SHANK2: variants seen among roughly 807,000 people sequenced by gnomAD.
The protein encoded by SHANK2 is SH3 and multiple ankyrin repeat domains 2.
Under a neutral mutation model 133.7 loss-of-function variants are expected in SHANK2, and 43 were observed. The observed-to-expected ratio is 0.32, with a 90% CI of 0.25 to 0.41. The LOEUF is 0.41. Ranked by LOEUF, SHANK2 falls within the 10% of genes least tolerant of loss-of-function variation. The probability of loss-of-function intolerance (pLI) is 1.00; values close to 1 mark genes in which losing one functional copy is unlikely to be tolerated. For synonymous variants in SHANK2, 1,017 were observed against 952.8 expected (o/e 1.07, Z -1.24); for missense variants, 1,994 against 2,235.8 (o/e 0.89, Z 2.18).
chr11:70,528,668 G>A (rs1169302479), intron 17 of SHANK2, among the ~76,000 whole-genome samples: 1 of 152,050 alleles, frequency 6.6e-6, no homozygotes, highest in Non-Finnish European at 1.5e-5. Flanking sequence ...TCTCCTGGGC[G>A]ATTCTTTACT....
intron 2 of SHANK2, among the ~76,000 whole-genome samples, chr11:71,221,808 G>A (rs1415765843): frequency 6.6e-6 from 1 of 152,172 alleles, no homozygotes; most frequent in Non-Finnish European, 1.5e-5. Context: ...GATGTCTGCA[G>A]GTGCCTAGGC....
chr11:71,171,204 G>A (rs1295479105), intron 2 of SHANK2, among the ~76,000 whole-genome samples: 2 of 152,198 alleles, frequency 1.3e-5, no homozygotes, highest in Non-Finnish European at 2.9e-5. Context: ...GACACATGCG[G>A]GTGGGCTTGT....
At chr11:70,896,339 A>G in intron 11 of SHANK2, 162 bp downstream of exon 11, 1 of 567,316 alleles carries the variant, frequency 1.8e-6, no homozygotes. Flanking sequence ...AGTTAAAAAA[A>G]GTTAAGACCA....
chr11:70,715,838 G>A (rs1475596205), intron 14 of SHANK2, among the ~76,000 whole-genome samples: 8 of 152,174 alleles, frequency 5.3e-5, no homozygotes, highest in Non-Finnish European at 1.0e-4. Context: ...CCCTGGACCC[G>A]GCAGCCCAGG....
At chr11:71,221,463 C>G (rs1292700473) in intron 2 of SHANK2, among the ~76,000 whole-genome samples, 1 of 152,120 alleles carries the variant, frequency 6.6e-6, no homozygotes, top group Non-Finnish European at 1.5e-5. Flanking sequence ...CCTGTTTCCC[C>G]ACCCAGGAGG....
Position 70,756,088 on chromosome 11 carries a change from C to T in SHANK2, c.1777+42355G>A, listed in dbSNP as rs976095743. The stretch of plus-strand genomic sequence containing the variant: ...GAGCTCGTTTCCTCACTGGCCGCAG[C>T]GGGTTCAGGGTGACAGCTGCAGCCC... On this transcript the variant is annotated intron_variant, in intron 14 of 25. Coordinates refer to ENST00000601538, the MANE Select transcript of SHANK2 (RefSeq NM_012309.5). Among the ~76,000 whole-genome samples, 79 of 152,198 alleles carry T rather than the reference C, an allele frequency of 5.2e-4. 1 individual carries two copies. Among genetic ancestry groups the T allele is most frequent in the Middle Eastern group, 3.4e-3 (1 of 294 alleles).
At chr11:70,633,133 T>C (rs2061022411) in intron 17 of SHANK2, among the ~76,000 whole-genome samples, 1 of 150,906 alleles carries the variant, frequency 6.6e-6, no homozygotes, top group Non-Finnish European at 1.5e-5. Context: ...AAATACGTTA[T>C]ATATATTATG....
At chr11:71,205,938 G>T (rs1223228115) in intron 2 of SHANK2, among the ~76,000 whole-genome samples, 2 of 152,062 alleles carry the variant, frequency 1.3e-5, no homozygotes, top group Non-Finnish European at 2.9e-5. Flanking sequence ...AGGTGAAACG[G>T]GGCTGGGGAC....
chr11:71,109,431 C>T (rs1565456161), intron 6 of SHANK2, among the ~76,000 whole-genome samples: 1 of 152,246 alleles, frequency 6.6e-6, no homozygotes. Context: ...CAAAGACTCA[C>T]ACACTCGTGG....
chr11:70,576,033 GA>G (rs1340205501), intron 17 of SHANK2, among the ~76,000 whole-genome samples: 5 of 152,164 alleles, frequency 3.3e-5, no homozygotes, highest in Admixed American at 1.3e-4. Context: ...CCATTTCCCA[GA>G]GTGGAAATGT....
At chr11:71,077,100 C>T (rs1166594764) in intron 8 of SHANK2, among the ~76,000 whole-genome samples, 5 of 152,092 alleles carry the variant, frequency 3.3e-5, no homozygotes, top group Non-Finnish European at 5.9e-5. Context: ...CTGGAATTTC[C>T]GGGACATAAC....
At chr11:70,507,621 C>G (rs559424781) in intron 17 of SHANK2, among the ~76,000 whole-genome samples, 1 of 152,232 alleles carries the variant, frequency 6.6e-6, no homozygotes, top group South Asian at 2.1e-4. Flanking sequence ...CGTCTGTCAC[C>G]ACTCCGCATT....
intron 11 of SHANK2, among the ~76,000 whole-genome samples, chr11:70,875,386 G>A (rs4980653): frequency 0.12 from 18,469 of 151,998 alleles, 1,420 homozygotes; most frequent in Middle Eastern, 0.2. Flanking sequence ...TTAGCCAGGC[G>A]TGGTGGCAGG....
chr11:70,644,321 T>C (rs1376302444), intron 17 of SHANK2, among the ~76,000 whole-genome samples: 5 of 152,078 alleles, frequency 3.3e-5, no homozygotes, highest in African/African-American at 1.2e-4. Flanking sequence ...ACACACGAAC[T>C]CCCCATCCCC....
rs1466385028 is a variant in SHANK2 at position 70,500,412 on chromosome 11, T to C, written c.2308+158A>G. Among the ~76,000 whole-genome samples the C allele has an allele frequency of 6.6e-6, 1 of 151,386 alleles. No homozygotes were observed. The highest frequency in any genetic ancestry group is 1.9e-4 in the East Asian group (1 of 5,148). ...CAAGCAGAAAGAACAGACAGATGAA[T>C]GTGCTCCAGGGCGGCAGGGCTCCTC... is the stretch of plus-strand genomic sequence containing the variant. On this transcript the variant is annotated intron_variant, in intron 21 of 25. Coordinates refer to ENST00000601538, the MANE Select transcript of SHANK2 (RefSeq NM_012309.5). This position sits in a 1 kb window ranked among gnomAD's most constrained non-coding sequence, Gnocchi z 4.5.
At chr11:70,789,651 A>G (rs1212301123) in intron 14 of SHANK2, among the ~76,000 whole-genome samples, 1 of 152,186 alleles carries the variant, frequency 6.6e-6, no homozygotes, top group Non-Finnish European at 1.5e-5. Context: ...TGCCAAAACT[A>G]CACTGGGTAG....
intron 15 of SHANK2, among the ~76,000 whole-genome samples, chr11:70,682,376 G>A (rs1469804079): frequency 1.3e-5 from 2 of 152,232 alleles, no homozygotes; most frequent in African/African-American, 2.4e-5. Context: ...ACAAATACAT[G>A]AGAGGAGGAC....
intron 11 of SHANK2, among the ~76,000 whole-genome samples, chr11:70,892,977 C>T (rs1182758974): frequency 1.3e-5 from 2 of 152,198 alleles, no homozygotes; most frequent in South Asian, 2.1e-4. Context: ...TAAGTCCCTG[C>T]TGGTGCTTCC....
intron 17 of SHANK2, among the ~76,000 whole-genome samples, chr11:70,649,657 G>T (rs1404657574): frequency 1.3e-5 from 2 of 152,178 alleles, no homozygotes; most frequent in Admixed American, 1.3e-4. Context: ...AGGGGGGCAG[G>T]TGGAGAGGAC....
Sources: allele counts gnomAD v4.1 joint callset (sites outside exome capture counted in the v4.1 genomes callset), GRCh38; gene constraint gnomAD v4.1.1; non-coding constraint Gnocchi (gnomAD v3.1); transcripts MANE v1.5; gene names NCBI Gene and HGNC (gene_info 2026-07-23, HGNC 2026-07-21).